Variants in STAU2 observed in about 807,000 individuals in gnomAD.
The protein encoded by STAU2 is double-stranded RNA-binding protein Staufen homolog 2.
Under a neutral mutation model 65.9 loss-of-function variants are expected in STAU2, and 20 were observed. The ratio of observed to expected loss-of-function variants is 0.30; its 90% CI spans 0.21 to 0.44. The LOEUF (loss-of-function observed/expected upper bound fraction) is 0.44, where lower values mean the gene tolerates loss of function less well. Among genes scored for constraint, STAU2 ranks in the 20% least tolerant of loss-of-function variants. The probability of loss-of-function intolerance (pLI) is 1.00; values close to 1 mark genes in which losing one functional copy is unlikely to be tolerated. For synonymous variants in STAU2, 232 were observed against 233.9 expected (o/e 0.99, Z 0.07); for missense variants, 558 against 683.9 (o/e 0.82, Z 2.05).
chr8:73,585,986 G>C (rs1438794280), intron 11 of STAU2, among the ~76,000 whole-genome samples: 1 of 152,296 alleles, frequency 6.6e-6, no homozygotes, highest in East Asian at 1.9e-4. Context: ...GGTGCCTTTT[G>C]GCACAATTTT....
chr8:73,436,888 A>G (rs1308491834), intron 13 of STAU2, among the ~76,000 whole-genome samples: 5 of 152,004 alleles, frequency 3.3e-5, no homozygotes, highest in African/African-American at 1.2e-4. Context: ...TGCCTGGTCT[A>G]TTTTGCCAAT....
intron 6 of STAU2, among the ~76,000 whole-genome samples, chr8:73,654,582 C>A (rs908167443): frequency 7.7e-6 from 1 of 129,490 alleles, no homozygotes; most frequent in Admixed American, 9.6e-5. Flanking sequence ...CATGGCTGCA[C>A]TGAGCCGTGA....
At chr8:73,532,624 T>C (rs893320732) in intron 13 of STAU2, among the ~76,000 whole-genome samples, 4 of 152,106 alleles carry the variant, frequency 2.6e-5, no homozygotes, top group Non-Finnish European at 4.4e-5. Context: ...CGAGACCCTG[T>C]CTCAAAAATA....
At chr8:73,602,924 GAA>G (rs1049103541) in intron 10 of STAU2, among the ~76,000 whole-genome samples, 3 of 152,006 alleles carry the variant, frequency 2.0e-5, no homozygotes, top group Non-Finnish European at 4.4e-5. Context: ...TTCAGTAAAA[GAA>G]GAGAGAAAGG....
intron 13 of STAU2, among the ~76,000 whole-genome samples, chr8:73,502,184 A>T (rs915687774): frequency 6.6e-6 from 1 of 152,010 alleles, no homozygotes; most frequent in Non-Finnish European, 1.5e-5. Context: ...CCAATTAAAT[A>T]AAAAATTATT....
chr8:73,678,387 C>G (rs1818164769), intron 5 of STAU2, among the ~76,000 whole-genome samples: 1 of 152,092 alleles, frequency 6.6e-6, no homozygotes. Flanking sequence ...TTTACCAAAT[C>G]CATTGTCCAG....
intron 13 of STAU2, among the ~76,000 whole-genome samples, chr8:73,478,746 T>A (rs1004307502): frequency 1.3e-5 from 2 of 152,106 alleles, no homozygotes; most frequent in Non-Finnish European, 2.9e-5. Flanking sequence ...TTTTAAGCCT[T>A]TTTCTCAATT....
At chr8:73,685,628 A>G (rs969140282) in intron 5 of STAU2, among the ~76,000 whole-genome samples, 2 of 152,028 alleles carry the variant, frequency 1.3e-5, no homozygotes, top group Non-Finnish European at 2.9e-5. Flanking sequence ...TGCCCACCTC[A>G]GTCTCCCAAA....
At chr8:73,631,404 A>ATG (rs1814081118) in intron 6 of STAU2, among the ~76,000 whole-genome samples, 1 of 152,072 alleles carries the variant, frequency 6.6e-6, no homozygotes, top group East Asian at 1.9e-4. Context: ...GGAATAAAAA[A>ATG]TGAACACCAA....
intron 6 of STAU2, among the ~76,000 whole-genome samples, chr8:73,643,972 AGAAAGCAG>A (rs1815176964): frequency 6.6e-6 from 1 of 152,236 alleles, no homozygotes; most frequent in South Asian, 2.1e-4. Flanking sequence ...GACTTGTCCT[AGAAAGCAG>A]GAAAGTGAGG....
chr8:73,510,091 G>A (rs1338911119), intron 13 of STAU2, among the ~76,000 whole-genome samples: 1 of 151,816 alleles, frequency 6.6e-6, no homozygotes, highest in African/African-American at 2.4e-5. Context: ...TTTTGAGACT[G>A]AGTTTCGCTC....
intron 6 of STAU2, chr8:73,652,362 CCTTT>C (rs1815958420): frequency 6.6e-6 from 1 of 152,048 alleles, no homozygotes; most frequent in African/African-American, 2.4e-5. Context: ...ACAAATGAAC[CCTTT>C]CTGTTTCCTT....
intron 13 of STAU2, among the ~76,000 whole-genome samples, chr8:73,515,261 G>A (rs941450160): frequency 6.6e-6 from 1 of 152,208 alleles, no homozygotes; most frequent in Non-Finnish European, 1.5e-5. Flanking sequence ...CATGAAGGCA[G>A]GGGGTGAAGC....
intron 13 of STAU2, chr8:73,527,721 A>G: frequency 1.3e-6 from 2 of 1,536,736 alleles, no homozygotes; most frequent in South Asian, 1.2e-5. Context: ...TGGAGCTTCC[A>G]ATAGCATGGA....
intron 12 of STAU2, among the ~76,000 whole-genome samples, chr8:73,558,821 A>C (rs1050109274): frequency 6.6e-6 from 1 of 151,982 alleles, no homozygotes; most frequent in African/African-American, 2.4e-5. Context: ...TTGAAAAAAA[A>C]AACTTTGTTT....
intron 13 of STAU2, among the ~76,000 whole-genome samples, chr8:73,481,243 C>T (rs1289043810): frequency 2.0e-5 from 3 of 151,910 alleles, no homozygotes; most frequent in Non-Finnish European, 4.4e-5. Context: ...TTTTTACCAC[C>T]TAGAAAACAC....
In STAU2 at chr8:73,738,930, C is replaced by T. The variant is rs553167438; in HGVS notation, c.-83-581G>A. ...TCTCTGTCATTTTGTCTGTTATCAT[C>T]AGTATAAAAATAGTATGTATATTAA... On this transcript the variant is annotated intron_variant, in intron 2 of 14. Transcript: ENST00000524300. Among the ~76,000 whole-genome samples, 4 of 152,164 alleles carry T rather than the reference C, an allele frequency of 2.6e-5. No individual in the cohort carries two copies. In the South Asian group the frequency reaches 8.3e-4, roughly 32 times the overall value.
intron 13 of STAU2, among the ~76,000 whole-genome samples, chr8:73,500,554 T>C (rs1409708412): frequency 6.6e-6 from 1 of 151,880 alleles, no homozygotes; most frequent in African/African-American, 2.4e-5. Context: ...AAAAAAAATA[T>C]TGTTGGCCCT....
chr8:73,721,734 T>C (rs1821702389), intron 3 of STAU2, among the ~76,000 whole-genome samples: 1 of 152,238 alleles, frequency 6.6e-6, no homozygotes, highest in Non-Finnish European at 1.5e-5. Flanking sequence ...CAAGTTGCTT[T>C]TGACTAGGTT....
Sources: gnomAD v4.1 joint callset for allele counts (sites outside exome capture counted in the v4.1 genomes callset) on GRCh38, gnomAD v4.1.1 for gene constraint, MANE v1.5 for transcripts, NCBI Gene and HGNC (gene_info 2026-07-23, HGNC 2026-07-21) for gene names.